Variants in CNTN5 observed in about 807,000 individuals in gnomAD.
CNTN5 encodes the protein contactin-5.
CNTN5 carries 77 observed loss-of-function variants against 129.1 expected under a neutral mutation model. The observed-to-expected ratio is 0.60, with a 90% confidence interval of 0.50 to 0.72. The LOEUF (loss-of-function observed/expected upper bound fraction) is 0.72, where lower values mean the gene tolerates loss of function less well. Ranked by LOEUF, CNTN5 falls within the 30% of genes least tolerant of loss-of-function variation. The pLI is 0.00. For synonymous variants in CNTN5, 509 were observed against 465.6 expected (o/e 1.09, Z -1.20); for missense variants, 1,478 against 1,328.8 (o/e 1.11, Z -1.75).
At chr11:99,175,202 C>G (rs1350218184) in intron 1 of CNTN5, among the ~76,000 whole-genome samples, 2 of 152,060 alleles carry the variant, frequency 1.3e-5, no homozygotes, top group Non-Finnish European at 2.9e-5. Context: ...CCACTGCACT[C>G]CAGCCTGGGC....
At chr11:99,954,027 G>A (rs1005076882) in intron 7 of CNTN5, among the ~76,000 whole-genome samples, 5 of 152,136 alleles carry the variant, frequency 3.3e-5, no homozygotes, top group Middle Eastern at 3.4e-3. Flanking sequence ...TAAGGTGTAA[G>A]CAAGGGGTCC....
At chr11:99,139,113 C>CAAA (rs757931503) in intron 1 of CNTN5, among the ~76,000 whole-genome samples, 25,072 of 140,596 alleles carry the variant, frequency 0.18, 2,814 homozygotes, top group East Asian at 0.44. Context: ...CCCCCCCCCC[C>CAAA]AAAAATTAGC....
At chr11:99,945,365 A>G (rs1950531106) in intron 7 of CNTN5, among the ~76,000 whole-genome samples, 1 of 152,026 alleles carries the variant, frequency 6.6e-6, no homozygotes, top group Non-Finnish European at 1.5e-5. Context: ...TGCAAAGTCA[A>G]ATGCCTCTTT....
chr11:99,853,483 T>G (rs1947940603), intron 6 of CNTN5, among the ~76,000 whole-genome samples: 2 of 152,072 alleles, frequency 1.3e-5, no homozygotes, highest in South Asian at 4.1e-4. Context: ...CACTGCAACC[T>G]CCGCCTCCCA....
At chr11:100,155,891 A>G (rs1662775977) in intron 13 of CNTN5, among the ~76,000 whole-genome samples, 1 of 152,060 alleles carries the variant, frequency 6.6e-6, no homozygotes. Context: ...TTATCATCAT[A>G]AGGAGATTTG....
chr11:99,893,431 A>G (rs1004521166), intron 6 of CNTN5, among the ~76,000 whole-genome samples: 34 of 152,340 alleles, frequency 2.2e-4, no homozygotes, highest in African/African-American at 8.2e-4. Context: ...AAGAAACTTT[A>G]GAAAAAAAAG....
intron 2 of CNTN5, among the ~76,000 whole-genome samples, chr11:99,513,425 T>C (rs1412905827): frequency 6.6e-6 from 1 of 152,286 alleles, no homozygotes. Context: ...ATTTTTGATG[T>C]AGACAAAGAG....
chr11:99,563,979 C>T (rs1254271928), intron 3 of CNTN5, among the ~76,000 whole-genome samples: 5 of 152,148 alleles, frequency 3.3e-5, no homozygotes, highest in Admixed American at 6.5e-5. Flanking sequence ...ACAGAGAGCA[C>T]GTACAGCAAT....
At chr11:100,160,954 G>C (rs1236911041) in intron 13 of CNTN5, among the ~76,000 whole-genome samples, 1 of 151,826 alleles carries the variant, frequency 6.6e-6, no homozygotes, top group Non-Finnish European at 1.5e-5. Flanking sequence ...CCATTATAGG[G>C]ATCCAGATCA....
At chr11:99,753,177 C>A (rs1205937666) in intron 3 of CNTN5, among the ~76,000 whole-genome samples, 1 of 124,100 alleles carries the variant, frequency 8.1e-6, no homozygotes, top group East Asian at 2.9e-4. Context: ...GGCTGGAGTA[C>A]GGTGGCGAGA....
chr11:99,070,130 G>C (rs939773297), intron 1 of CNTN5, among the ~76,000 whole-genome samples: 4 of 152,138 alleles, frequency 2.6e-5, no homozygotes, highest in African/African-American at 9.7e-5. Flanking sequence ...TCCTGGCCGT[G>C]CTCTGGGCAG....
At chr11:99,154,229 G>A (rs555119836) in intron 1 of CNTN5, among the ~76,000 whole-genome samples, 9 of 152,284 alleles carry the variant, frequency 5.9e-5, no homozygotes, top group East Asian at 1.9e-4. Context: ...TCACTCCAGC[G>A]GCATGGTATG....
intron 3 of CNTN5, among the ~76,000 whole-genome samples, chr11:99,734,021 T>C (rs561716627): frequency 4.6e-5 from 7 of 152,316 alleles, no homozygotes; most frequent in Admixed American, 4.6e-4. Flanking sequence ...GGCTTCTTAC[T>C]GTGGTCAGCT....
rs1321635252 is a variant in CNTN5, at chr11:100,357,348, C to CTGA, written c.*1128_*1129insTGA. Reference sequence around the variant, plus strand: ...TTTTAATTAAGCTGTGGAAACATGGCATCAGTACAGGGATTCAGCTAGTCT... The same window carrying CTGA: ...TTTTAATTAAGCTGTGGAAACATGGCTGAATCAGTACAGGGATTCAGCTAGTCT... On this transcript the variant is annotated 3_prime_UTR_variant, in exon 25 of 25. Coordinates refer to ENST00000524871, the MANE Select transcript of CNTN5 (RefSeq NM_014361.4). 1.3e-5 allele frequency: 2 copies of CTGA among 151,724 alleles called. No homozygotes were observed. The highest frequency in any genetic ancestry group is 4.8e-5 in the African/African-American group (2 of 41,374). 9.4% of individuals were successfully genotyped at this position (151,724 alleles called of 1,614,324 possible).
intron 16 of CNTN5, 116 bp downstream of exon 16, chr11:100,224,928 C>A: frequency 9.9e-7 from 1 of 1,009,524 alleles, no homozygotes; most frequent in Non-Finnish European, 1.4e-6. Context: ...TTCAATTTTA[C>A]AATATATGTT....
intron 3 of CNTN5, among the ~76,000 whole-genome samples, chr11:99,773,305 T>G (rs1945007083): frequency 6.6e-6 from 1 of 152,118 alleles, no homozygotes; most frequent in African/African-American, 2.4e-5. Flanking sequence ...AAATTATCTG[T>G]TTTTATATAG....
chr11:99,973,954 C>A (rs547451397), intron 8 of CNTN5, among the ~76,000 whole-genome samples: 55 of 152,264 alleles, frequency 3.6e-4, no homozygotes, highest in African/African-American at 1.3e-3. Flanking sequence ...AGTAGACATA[C>A]TGAGAGGTAA....
chr11:99,610,994 ATGTAGTTG>A, intron 3 of CNTN5, among the ~76,000 whole-genome samples: 1 of 152,184 alleles, frequency 6.6e-6, no homozygotes, highest in South Asian at 2.1e-4. Flanking sequence ...CTGCTTACTA[ATGTAGTTG>A]AGCCTTCATG....
chr11:100,207,404 T>G (rs540278211), intron 15 of CNTN5, among the ~76,000 whole-genome samples: 1 of 152,236 alleles, frequency 6.6e-6, no homozygotes, highest in South Asian at 2.1e-4. Flanking sequence ...TTATATACCT[T>G]ACACATTCTA....
Sources: gnomAD v4.1 joint callset for allele counts (sites outside exome capture counted in the v4.1 genomes callset) on GRCh38, gnomAD v4.1.1 for gene constraint, MANE v1.5 for transcripts, NCBI Gene and HGNC (gene_info 2026-07-23, HGNC 2026-07-21) for gene names.